Variants in SLC9C2 observed in about 807,000 individuals in gnomAD.
The protein encoded by SLC9C2 is sodium/hydrogen exchanger 11.
In SLC9C2, 75 loss-of-function variants were observed where a neutral mutation model predicts 140.2. That is an observed-to-expected ratio of 0.53 (90% CI 0.44 to 0.65). SLC9C2 has a LOEUF of 0.65. Ranked by LOEUF, SLC9C2 falls within the 30% of genes least tolerant of loss-of-function variation. The probability of loss-of-function intolerance (pLI) is 0.00; values close to 1 mark genes in which losing one functional copy is unlikely to be tolerated. For missense variants in SLC9C2, 1,074 were observed against 1,331.8 expected, an observed-to-expected ratio of 0.81 and a Z score of 3.01; for synonymous variants, 375 against 420.9, an observed-to-expected ratio of 0.89 and a Z score of 1.34.
intron 25 of SLC9C2, among the ~76,000 whole-genome samples, chr1:173,506,630 C>G (rs1197047718): frequency 3.9e-5 from 6 of 152,226 alleles, no homozygotes; most frequent in African/African-American, 7.2e-5. Flanking sequence ...GGCAAGCAAA[C>G]AGCAGGCAGA....
intron 11 of SLC9C2, among the ~76,000 whole-genome samples, chr1:173,550,436 A>ATTTTTTTTTTT (rs1467477294): frequency 8.1e-6 from 1 of 122,900 alleles, no homozygotes; most frequent in African/African-American, 3.9e-5. Flanking sequence ...TTATTTATTT[A>ATTTTTTTTTTT]TTTATTTATT....
chr1:173,554,463 G>A (rs1464437909), intron 11 of SLC9C2, among the ~76,000 whole-genome samples: 2 of 152,102 alleles, frequency 1.3e-5, no homozygotes, highest in Non-Finnish European at 2.9e-5. Context: ...ACAACTTTAT[G>A]TAGAGTAGAA....
intron 18 of SLC9C2, among the ~76,000 whole-genome samples, chr1:173,529,681 T>C (rs1661435809): frequency 6.6e-6 from 1 of 151,084 alleles, no homozygotes; most frequent in Admixed American, 6.6e-5. Flanking sequence ...AAAGAGATCA[T>C]ATGTTTTCTG....
chr1:173,523,885 T>C (rs1661004984), intron 21 of SLC9C2, 84 bp downstream of exon 21: 2 of 1,523,192 alleles, frequency 1.3e-6, no homozygotes, highest in African/African-American at 2.8e-5. Flanking sequence ...GTGATATGCT[T>C]TTCTGTTAAT....
chr1:173,536,557 AG>A (rs972477412), intron 14 of SLC9C2, among the ~76,000 whole-genome samples: 1 of 152,196 alleles, frequency 6.6e-6, no homozygotes, highest in African/African-American at 2.4e-5. Context: ...GGCAGCCTCC[AG>A]GCTTCTAAAC....
intron 23 of SLC9C2, among the ~76,000 whole-genome samples, chr1:173,516,432 G>A (rs549007626): frequency 7.9e-5 from 12 of 152,146 alleles, no homozygotes; most frequent in South Asian, 2.1e-4. Flanking sequence ...CCTAGTACCC[G>A]TAGTTATTTT....
At chr1:173,547,553 T>A in intron 13 of SLC9C2, 136 bp downstream of exon 13, 1 of 619,322 alleles carries the variant, frequency 1.6e-6, no homozygotes, top group East Asian at 3.1e-5. Flanking sequence ...TTTTTAACTT[T>A]AACAAATCAC....
chr1:173,570,275 G>A (rs1389599947), intron 9 of SLC9C2, among the ~76,000 whole-genome samples: 3 of 152,090 alleles, frequency 2.0e-5, no homozygotes, highest in Non-Finnish European at 4.4e-5. Flanking sequence ...GATGAATCCT[G>A]CCAGGACTGG....
At chr1:173,507,067 A>G in intron 24 of SLC9C2, 26 bp from the exon 25 acceptor site, 1 of 1,502,248 alleles carries the variant, frequency 6.7e-7, no homozygotes, top group Non-Finnish European at 8.9e-7. Flanking sequence ...ATTTTAGAAA[A>G]TAAGTCATAC....
At chr1:173,528,934 AC>A (rs1376266423) in intron 18 of SLC9C2, among the ~76,000 whole-genome samples, 1 of 152,206 alleles carries the variant, frequency 6.6e-6, no homozygotes, top group African/African-American at 2.4e-5. Context: ...AGGAGAGTGA[AC>A]CCCAAGGAAG....
chr1:173,580,527 A>G (rs1435352775), intron 7 of SLC9C2, among the ~76,000 whole-genome samples: 2 of 151,908 alleles, frequency 1.3e-5, no homozygotes, highest in Admixed American at 6.6e-5. Context: ...AATTTTTTGA[A>G]CTTTTAGTAG....
chr1:173,502,751 G>A (rs9425411), intron 27 of SLC9C2, among the ~76,000 whole-genome samples: 37,647 of 152,114 alleles, frequency 0.25, 5,393 homozygotes, highest in Non-Finnish European at 0.31. Context: ...CATCCTACTC[G>A]ATAATATGTT....
chr1:173,587,483 T>C (rs1665918543), intron 5 of SLC9C2, among the ~76,000 whole-genome samples, 182 bp downstream of exon 5: 1 of 152,184 alleles, frequency 6.6e-6, no homozygotes, highest in African/African-American at 2.4e-5. Flanking sequence ...CTCATCTCCT[T>C]GGTGGCTGTC....
intron 23 of SLC9C2, among the ~76,000 whole-genome samples, chr1:173,510,723 T>A (rs547357620): frequency 2.0e-5 from 3 of 152,370 alleles, no homozygotes; most frequent in African/African-American, 7.2e-5. Context: ...ATTTTCTTTA[T>A]CCAGTCTATC....
At chr1:173,533,430 C>G (rs1661726636) in intron 17 of SLC9C2, among the ~76,000 whole-genome samples, 179 bp downstream of exon 17, 1 of 152,028 alleles carries the variant, frequency 6.6e-6, no homozygotes, top group South Asian at 2.1e-4. Context: ...AGGTGCACAC[C>G]ATCATGCCCA....
At chr1:173,528,323 G>A (rs1006896757) in intron 18 of SLC9C2, among the ~76,000 whole-genome samples, 4 of 152,074 alleles carry the variant, frequency 2.6e-5, no homozygotes, top group Admixed American at 1.3e-4. Flanking sequence ...CCTGTGACAC[G>A]TCAAGGCAAC....
chr1:173,558,879 G>A (rs1663899272), intron 9 of SLC9C2, among the ~76,000 whole-genome samples: 1 of 152,204 alleles, frequency 6.6e-6, no homozygotes, highest in African/African-American at 2.4e-5. Context: ...CTCTAGTGAT[G>A]TGGAACCATC....
At chr1:173,504,930 A>G (rs1359459) in intron 26 of SLC9C2, among the ~76,000 whole-genome samples, 43 of 152,172 alleles carry the variant, frequency 2.8e-4, no homozygotes, top group African/African-American at 9.9e-4. Flanking sequence ...TTCCCTCCCC[A>G]TTCTTGCACT....
intron 2 of SLC9C2, among the ~76,000 whole-genome samples, 176 bp downstream of exon 2, chr1:173,601,474 A>T (rs553539980): frequency 2.6e-5 from 4 of 152,240 alleles, no homozygotes; most frequent in Non-Finnish European, 4.4e-5. Flanking sequence ...CACTGAATAC[A>T]GGAATATAGA....
Sources: allele counts gnomAD v4.1 joint callset (sites outside exome capture counted in the v4.1 genomes callset), GRCh38; gene constraint gnomAD v4.1.1; transcripts MANE v1.5; gene names NCBI Gene and HGNC (gene_info 2026-07-23, HGNC 2026-07-21).